FBXL7: variants seen among roughly 807,000 people sequenced by gnomAD.
FBXL7 encodes the protein F-box and leucine rich repeat protein 7.
In FBXL7, 12 loss-of-function variants were observed where a neutral mutation model predicts 38.3. The ratio of observed to expected loss-of-function variants is 0.31; its 90% CI spans 0.20 to 0.51. The LOEUF (loss-of-function observed/expected upper bound fraction) is 0.51, where lower values mean the gene tolerates loss of function less well. FBXL7 is among the 20% of genes least tolerant of loss of function. The pLI is 0.98. For missense variants in FBXL7, 567 were observed against 676.4 expected (o/e 0.84, Z 1.79); for synonymous variants, 297 against 300.9 (o/e 0.99, Z 0.13).
At chr5:15,794,051 A>T (rs1006757643) in intron 2 of FBXL7, among the ~76,000 whole-genome samples, 3 of 152,242 alleles carry the variant, frequency 2.0e-5, no homozygotes, top group African/African-American at 7.2e-5. Context: ...TCTCATCCAG[A>T]TAAATCAGTC....
At chr5:15,589,737 G>A (rs1345986189) in intron 1 of FBXL7, among the ~76,000 whole-genome samples, 1 of 152,132 alleles carries the variant, frequency 6.6e-6, no homozygotes, top group African/African-American at 2.4e-5. Flanking sequence ...GGTAACATCA[G>A]GCCATGCATT....
At chr5:15,560,552 T>G (rs1738380767) in intron 1 of FBXL7, among the ~76,000 whole-genome samples, 1 of 152,222 alleles carries the variant, frequency 6.6e-6, no homozygotes, top group Admixed American at 6.5e-5. Flanking sequence ...CAGGTGCAAC[T>G]TCCCGACCAG....
chr5:15,813,507 T>C (rs1319767685), intron 2 of FBXL7, among the ~76,000 whole-genome samples: 5 of 152,094 alleles, frequency 3.3e-5, no homozygotes, highest in African/African-American at 1.2e-4. Context: ...ATTCAGGACA[T>C]AGGCATGGGC....
intron 2 of FBXL7, among the ~76,000 whole-genome samples, chr5:15,713,196 A>G (rs756764071): frequency 1.1e-4 from 17 of 152,242 alleles, no homozygotes; most frequent in Non-Finnish European, 1.6e-4. Flanking sequence ...TGAAAGGTCC[A>G]TCTTACATGG....
intron 1 of FBXL7, among the ~76,000 whole-genome samples, chr5:15,557,000 C>G (rs527508416): frequency 3.9e-5 from 6 of 152,128 alleles, no homozygotes; most frequent in African/African-American, 1.2e-4. Flanking sequence ...TGCGGTGGCG[C>G]GATCTCGGCT....
At chr5:15,596,953 G>C (rs1739642963) in intron 1 of FBXL7, among the ~76,000 whole-genome samples, 1 of 152,116 alleles carries the variant, frequency 6.6e-6, no homozygotes, top group Non-Finnish European at 1.5e-5. Context: ...GTAAGTGTTT[G>C]CCTAAGTTCT....
At chr5:15,708,068 A>C (rs565212743) in intron 2 of FBXL7, among the ~76,000 whole-genome samples, 1 of 152,266 alleles carries the variant, frequency 6.6e-6, no homozygotes, top group South Asian at 2.1e-4. Context: ...TATGCCAAAC[A>C]TTGATGATGT....
chr5:15,720,629 C>T (rs2079516614), intron 2 of FBXL7, among the ~76,000 whole-genome samples: 1 of 148,270 alleles, frequency 6.7e-6, no homozygotes, highest in African/African-American at 2.5e-5. Context: ...GCAATACTCA[C>T]CATCTGAAAT....
intron 2 of FBXL7, among the ~76,000 whole-genome samples, chr5:15,683,290 A>G (rs1422501624): frequency 6.6e-6 from 1 of 152,192 alleles, no homozygotes; most frequent in Non-Finnish European, 1.5e-5. Flanking sequence ...GAGTATATTT[A>G]GATTCTCTTG....
chr5:15,714,113 G>T (rs1440502347), intron 2 of FBXL7, among the ~76,000 whole-genome samples: 3 of 152,210 alleles, frequency 2.0e-5, no homozygotes, highest in Admixed American at 2.0e-4. Flanking sequence ...ATATGGTTTG[G>T]AAGTGTGTCC....
chr5:15,559,063 A>G (rs531257727), intron 1 of FBXL7, among the ~76,000 whole-genome samples: 1 of 152,312 alleles, frequency 6.6e-6, no homozygotes, highest in Non-Finnish European at 1.5e-5. Flanking sequence ...TATTACTGCT[A>G]ACAGTAGTAG....
intron 1 of FBXL7, among the ~76,000 whole-genome samples, chr5:15,601,024 G>A (rs1433592569): frequency 2.0e-5 from 3 of 152,200 alleles, no homozygotes; most frequent in Non-Finnish European, 4.4e-5. Flanking sequence ...CCTGCAAGAA[G>A]TAACCTTTAT....
At chr5:15,823,305 A>G (rs1738222598) in intron 2 of FBXL7, among the ~76,000 whole-genome samples, 1 of 152,200 alleles carries the variant, frequency 6.6e-6, no homozygotes, top group South Asian at 2.1e-4. Flanking sequence ...TCATTCCCAT[A>G]CTTAATTTAA....
At chr5:15,651,115 G>A (rs980845256) in intron 2 of FBXL7, among the ~76,000 whole-genome samples, 1 of 46,936 alleles carries the variant, frequency 2.1e-5, no homozygotes, top group Non-Finnish European at 4.3e-5. Flanking sequence ...TTTTTTTTTT[G>A]TGATGATGTC....
chr5:15,622,132 T>C (rs978594579), intron 2 of FBXL7, among the ~76,000 whole-genome samples: 2 of 152,160 alleles, frequency 1.3e-5, no homozygotes, highest in African/African-American at 4.8e-5. Flanking sequence ...GGGCCTGATT[T>C]ATTTCAGTAT....
chr5:15,648,437 A>G (rs1417745278), intron 2 of FBXL7, among the ~76,000 whole-genome samples: 1 of 152,222 alleles, frequency 6.6e-6, no homozygotes, highest in Non-Finnish European at 1.5e-5. Context: ...AAATTCTACC[A>G]TGAAGGTTTT....
chr5:15,703,256 T>C (rs1743584956), intron 2 of FBXL7, among the ~76,000 whole-genome samples: 1 of 152,222 alleles, frequency 6.6e-6, no homozygotes, highest in South Asian at 2.1e-4. Flanking sequence ...AGCCTGAATA[T>C]TTTTACATTT....
chr5:15,684,590 T>C (rs1200909136), intron 2 of FBXL7, among the ~76,000 whole-genome samples: 3 of 152,144 alleles, frequency 2.0e-5, no homozygotes, highest in African/African-American at 7.2e-5. Context: ...GATACAGAGA[T>C]TGGCCTTGGA....
intron 2 of FBXL7, among the ~76,000 whole-genome samples, chr5:15,778,187 A>G (rs1736906215): frequency 6.6e-6 from 1 of 152,086 alleles, no homozygotes; most frequent in Non-Finnish European, 1.5e-5. Context: ...ATAATAAGGT[A>G]TCATCAAAGG....
Sources: gnomAD v4.1 joint callset for allele counts (sites outside exome capture counted in the v4.1 genomes callset) on GRCh38, gnomAD v4.1.1 for gene constraint, MANE v1.5 for transcripts, NCBI Gene and HGNC (gene_info 2026-07-23, HGNC 2026-07-21) for gene names.